MDFIC: variants seen among roughly 807,000 people sequenced by gnomAD.
The protein encoded by MDFIC is myoD family inhibitor domain-containing protein.
Under a neutral mutation model 23.2 loss-of-function variants are expected in MDFIC, and 17 were observed. That is an observed-to-expected ratio of 0.73 (90% CI 0.50 to 1.10). The LOEUF (loss-of-function observed/expected upper bound fraction) is 1.10, where lower values mean the gene tolerates loss of function less well. MDFIC is among the 50% of genes least tolerant of loss of function. The pLI is 0.00. For missense variants in MDFIC, 356 were observed against 316.6 expected (o/e 1.12, Z -0.95); for synonymous variants, 120 against 115.2 (o/e 1.04, Z -0.27).
At chr7:114,952,344 GGTCC>G (rs1006393287) in intron 3 of MDFIC, among the ~76,000 whole-genome samples, 2 of 152,128 alleles carry the variant, frequency 1.3e-5, no homozygotes, top group African/African-American at 4.8e-5. Flanking sequence ...AGCGTGTAGG[GGTCC>G]GTCAGAATGA....
chr7:114,979,878 T>A, intron 4 of MDFIC, 97 bp downstream of exon 4: 1 of 1,407,854 alleles, frequency 7.1e-7, no homozygotes, highest in Admixed American at 1.9e-5. Flanking sequence ...AGAATCTTGC[T>A]TATCCTTCAG....
chr7:114,985,539 A>T (rs2115994136), intron 4 of MDFIC, among the ~76,000 whole-genome samples: 1 of 151,998 alleles, frequency 6.6e-6, no homozygotes, highest in South Asian at 2.1e-4. Flanking sequence ...TTAGATAAGT[A>T]AACATGTGTC....
chr7:114,936,946 A>G (rs1245617649), intron 2 of MDFIC, among the ~76,000 whole-genome samples: 6 of 152,066 alleles, frequency 3.9e-5, no homozygotes, highest in Non-Finnish European at 8.8e-5. Flanking sequence ...CAAACATATT[A>G]GTTGAGTGGC....
At chr7:114,994,073 T>C (rs1288651785) in intron 4 of MDFIC, among the ~76,000 whole-genome samples, 3 of 152,250 alleles carry the variant, frequency 2.0e-5, no homozygotes, top group Non-Finnish European at 2.9e-5. Context: ...TTAGCTCTTC[T>C]TGTTGAATTG....
chr7:114,958,310 C>A (rs112375860), intron 3 of MDFIC, among the ~76,000 whole-genome samples: 6,108 of 152,256 alleles, frequency 0.04, 175 homozygotes, highest in Non-Finnish European at 0.058. Context: ...TAGTATAAGA[C>A]CATATGTAAG....
At chr7:115,014,040 T>C (rs1458160378) in intron 4 of MDFIC, 1 of 985,354 alleles carries the variant, frequency 1.0e-6, no homozygotes, top group East Asian at 1.1e-4. Context: ...GAAAGAACAG[T>C]GTGTCCTTCT....
chr7:114,934,458 A>G (rs1053717847), intron 2 of MDFIC, among the ~76,000 whole-genome samples: 2 of 152,024 alleles, frequency 1.3e-5, no homozygotes, highest in African/African-American at 4.8e-5. Flanking sequence ...ACTCAATTGG[A>G]TTTTCATATA....
At chr7:114,982,562 G>A (rs1399338530) in intron 4 of MDFIC, among the ~76,000 whole-genome samples, 2 of 152,068 alleles carry the variant, frequency 1.3e-5, no homozygotes, top group Non-Finnish European at 2.9e-5. Context: ...GGGCACAGTG[G>A]CATGCACCTG....
At chr7:114,990,357 T>C (rs76439422) in intron 4 of MDFIC, among the ~76,000 whole-genome samples, 1,582 of 152,306 alleles carry the variant, frequency 0.01, 21 homozygotes, top group African/African-American at 0.036. Context: ...ATTCTTTTTT[T>C]TTTTTCTTTA....
intron 4 of MDFIC, 177 bp downstream of exon 4, chr7:114,979,958 G>A: frequency 1.3e-6 from 1 of 753,492 alleles, no homozygotes; most frequent in Non-Finnish European, 2.2e-6. Context: ...AAAGGAAGCA[G>A]TGGCAGCTGA....
intron 2 of MDFIC, among the ~76,000 whole-genome samples, chr7:114,930,878 G>A (rs149096293): frequency 5.3e-5 from 8 of 152,268 alleles, no homozygotes; most frequent in Admixed American, 1.3e-4. Flanking sequence ...ACTTCTAAAA[G>A]CATTCAGTTT....
At chr7:114,933,253 C>CTTTT (rs34608476) in intron 2 of MDFIC, among the ~76,000 whole-genome samples, 1 of 135,936 alleles carries the variant, frequency 7.4e-6, no homozygotes, top group African/African-American at 2.7e-5. Context: ...GTGTTCCATT[C>CTTTT]TTTTTTTTTT....
rs1476412856 is a variant in MDFIC at position 115,017,070 on chromosome 7, A to AATT, written c.*1139_*1141dup. On this transcript the variant is annotated 3_prime_UTR_variant, in exon 5 of 5. Transcript: ENST00000393486. ...GAGTGATTCACCTGCTATTTAAATG[A>AATT]ATTATTTAGATTTTTGACAAAGATT... The AATT allele has an allele frequency of 1.3e-5, 2 of 152,184 alleles. No homozygotes were observed. Among genetic ancestry groups the AATT allele is most frequent in the South Asian group, 2.1e-4 (1 of 4,824 alleles). 9.4% of individuals were successfully genotyped at this position (152,184 alleles called of 1,614,324 possible). A position where few individuals can be genotyped will look rare whatever the true frequency, so the allele number is the denominator to read the frequency against.
intron 3 of MDFIC, among the ~76,000 whole-genome samples, chr7:114,951,264 T>G (rs1362742431): frequency 2.6e-5 from 4 of 152,238 alleles, no homozygotes; most frequent in African/African-American, 9.6e-5. Context: ...CTTTGCTGCT[T>G]TGGCCTAAGG....
chr7:115,007,067 T>C (rs949217157), intron 4 of MDFIC, among the ~76,000 whole-genome samples: 7 of 152,228 alleles, frequency 4.6e-5, no homozygotes, highest in Admixed American at 3.9e-4. Flanking sequence ...GCTTCACTCC[T>C]CTGCAAATTC....
intron 3 of MDFIC, among the ~76,000 whole-genome samples, chr7:114,959,824 CTAATAATAATAA>C (rs56917725): frequency 6.9e-6 from 1 of 145,582 alleles, no homozygotes; most frequent in Non-Finnish European, 1.5e-5. Context: ...TCTAAATAGA[CTAATAATAATAA>C]TAATAATAAT....
In MDFIC at chr7:114,979,640, G is replaced by A. The variant is rs149568758; in HGVS notation, c.352G>A (p.Ala118Thr). 1.1e-3 allele frequency: 1,806 copies of A among 1,613,956 alleles called. 3 individuals are homozygous for A. Among genetic ancestry groups the A allele is most frequent in the Non-Finnish European group, 1.5e-3 (1,735 of 1,179,976 alleles). ...TCACCACGGGGCCAAACACGGATCCGCAGATAATCGCAAACTTTCAGCACC... is the reference window on the plus strand; with the variant it reads ...TCACCACGGGGCCAAACACGGATCCACAGATAATCGCAAACTTTCAGCACC... ...GIHHGAKHGS[A>T]DNRKLSAPVS... The change falls in exon 4 of 5, where the codon GCA becomes ACA. Residue 118 changes from alanine to threonine, a missense_variant. By Grantham distance (58) the Ala-to-Thr change is moderately conservative (BLOSUM62 0). Transcript: ENST00000393486.
At chr7:114,993,964 T>C (rs1160238105) in intron 4 of MDFIC, among the ~76,000 whole-genome samples, 1 of 152,112 alleles carries the variant, frequency 6.6e-6, no homozygotes, top group African/African-American at 2.4e-5. Context: ...AGGTCTCCCA[T>C]TATTATTGTG....
chr7:114,924,986 C>T (rs1242282273), intron 2 of MDFIC, among the ~76,000 whole-genome samples: 1 of 152,140 alleles, frequency 6.6e-6, no homozygotes, highest in Non-Finnish European at 1.5e-5. Context: ...CCTCTTGCTT[C>T]TGTCCTTGGA....
Sources: allele counts gnomAD v4.1 joint callset (sites outside exome capture counted in the v4.1 genomes callset), GRCh38; gene constraint gnomAD v4.1.1; transcripts MANE v1.5; gene names NCBI Gene and HGNC (gene_info 2026-07-23, HGNC 2026-07-21).